Variants in METTL15 observed in about 807,000 individuals in gnomAD.
METTL15 encodes methyltransferase 15, mitochondrial 12S rRNA N4-cytidine.
In METTL15, 34 loss-of-function variants were observed where a neutral mutation model predicts 38.3. That is an observed-to-expected ratio of 0.89 (90% CI 0.68 to 1.18). The LOEUF (loss-of-function observed/expected upper bound fraction) is 1.18. Among genes scored for constraint, METTL15 ranks in the 50% most tolerant of loss-of-function variants. The pLI is 0.00. For missense variants in METTL15, 438 were observed against 498.4 expected, an observed-to-expected ratio of 0.88 and a Z score of 1.15; for synonymous variants, 162 against 170.9, an observed-to-expected ratio of 0.95 and a Z score of 0.41.
At chr11:28,279,146 A>T (rs965555365) in intron 4 of METTL15, among the ~76,000 whole-genome samples, 1 of 152,078 alleles carries the variant, frequency 6.6e-6, no homozygotes, top group African/African-American at 2.4e-5. Context: ...TTGTCATGTA[A>T]TGTCTTTTTT....
intron 6 of METTL15, among the ~76,000 whole-genome samples, chr11:28,524,724 T>C (rs1342203780): frequency 6.6e-6 from 1 of 152,158 alleles, no homozygotes; most frequent in African/African-American, 2.4e-5. Flanking sequence ...AGCCAATATA[T>C]TTGAGATACA....
rs558066311 is a variant in METTL15 at position 28,195,835 on chromosome 11, G to A, written c.271-15227G>A. On this transcript the variant is annotated intron_variant, in intron 3 of 6. Transcript: ENST00000407364. Reference sequence around the variant, plus strand: ...TTAGGTTTTCTTCTAGAATTTTTATGGTTTCAGGTCTTAGATTTAAGTCTT... The same window carrying A: ...TTAGGTTTTCTTCTAGAATTTTTATAGTTTCAGGTCTTAGATTTAAGTCTT... Among the ~76,000 whole-genome samples the A allele has an allele frequency of 3.3e-5, 5 of 152,152 alleles. No individual in the cohort carries two copies. The East Asian group carries it at 7.7e-4, about 24-fold the overall frequency.
intron 3 of METTL15, among the ~76,000 whole-genome samples, chr11:28,341,406 G>C (rs1849951686): frequency 6.6e-6 from 1 of 152,062 alleles, no homozygotes; most frequent in African/African-American, 2.4e-5. Context: ...TAGGTGGAGG[G>C]ATTTAGTATG....
At chr11:28,494,814 C>T (rs573684399) in intron 6 of METTL15, among the ~76,000 whole-genome samples, 1 of 152,308 alleles carries the variant, frequency 6.6e-6, no homozygotes, top group Admixed American at 6.5e-5. Context: ...CATTCACCTT[C>T]AGTGATTGTG....
chr11:28,225,002 T>G (rs1021535215), intron 4 of METTL15, among the ~76,000 whole-genome samples: 3 of 151,818 alleles, frequency 2.0e-5, no homozygotes, highest in Non-Finnish European at 4.4e-5. Flanking sequence ...ACTTTAGTAT[T>G]TTTTAAGATA....
At chr11:28,262,343 A>G (rs1273114479) in intron 4 of METTL15, among the ~76,000 whole-genome samples, 2 of 150,996 alleles carry the variant, frequency 1.3e-5, no homozygotes, top group Non-Finnish European at 2.9e-5. Context: ...ATACAGATAT[A>G]TACACTATAT....
chr11:28,246,324 T>C (rs1483233403), intron 4 of METTL15, among the ~76,000 whole-genome samples: 1 of 152,126 alleles, frequency 6.6e-6, no homozygotes, highest in Non-Finnish European at 1.5e-5. Flanking sequence ...AATAAAAAAT[T>C]ATTTATCCTT....
chr11:28,252,293 T>C (rs1205429101), intron 4 of METTL15, among the ~76,000 whole-genome samples: 1 of 151,988 alleles, frequency 6.6e-6, no homozygotes, highest in African/African-American at 2.4e-5. Context: ...GGGGAGGAAT[T>C]GCAATTTTAG....
rs552321348 is a variant in METTL15, at chr11:28,252,457, T to C, written c.408-37749T>C. On this transcript the variant is annotated intron_variant, in intron 4 of 6. Transcript: ENST00000407364. ...CTACCTAGTTCACAGATAAAAGAGA[T>C]ACAATGAAACATTAACTGTCTCACA... is the stretch of plus-strand genomic sequence containing the variant. Among the ~76,000 whole-genome samples, 39 of 152,260 alleles carry C rather than the reference T, an allele frequency of 2.6e-4. No individual in the cohort carries two copies. In the South Asian group the frequency reaches 7.3e-3, roughly 28 times the overall value.
intron 3 of METTL15, among the ~76,000 whole-genome samples, chr11:28,202,813 G>C (rs1852165187): frequency 1.3e-5 from 2 of 152,038 alleles, no homozygotes; most frequent in African/African-American, 4.8e-5. Context: ...ACTAAGATGG[G>C]AACTTACTAT....
At position 28,117,201 on chromosome 11, in the gene METTL15, G is replaced by A. The variant is rs145921649; in HGVS notation, c.270+3597G>A. Among the ~76,000 whole-genome samples, 643 of 149,342 alleles carry A rather than the reference G, an allele frequency of 4.3e-3. 10 individuals carry two copies. The highest frequency in any genetic ancestry group is 0.014 in the African/African-American group (574 of 40,512). ...ATATATGTGATATTTGTTAGTGTGT[G>A]TATATATACATACATATATACACCT... On this transcript the variant is annotated intron_variant, in intron 3 of 6. Transcript: ENST00000407364.
intron 4 of METTL15, among the ~76,000 whole-genome samples, chr11:28,230,037 G>A (rs1018057076): frequency 2.0e-5 from 3 of 151,834 alleles, no homozygotes; most frequent in Non-Finnish European, 4.4e-5. Context: ...AGTAAAGAAG[G>A]TACAAGGTTT....
chr11:28,278,660 C>T (rs762075812), intron 4 of METTL15, among the ~76,000 whole-genome samples: 46 of 152,174 alleles, frequency 3.0e-4, no homozygotes, highest in Non-Finnish European at 5.9e-4. Flanking sequence ...TCAGTCCTTA[C>T]CTCTCTCTTG....
chr11:28,248,009 A>G (rs1854582689), intron 4 of METTL15, among the ~76,000 whole-genome samples: 2 of 152,122 alleles, frequency 1.3e-5, no homozygotes, highest in African/African-American at 2.4e-5. Context: ...GGTAATTTGT[A>G]TTTAGTTGAA....
chr11:28,433,089 A>G (rs1362262604), intron 6 of METTL15, among the ~76,000 whole-genome samples: 1 of 151,626 alleles, frequency 6.6e-6, no homozygotes, highest in Non-Finnish European at 1.5e-5. Flanking sequence ...AGGAACTGTC[A>G]TTCTATTAAT....
chr11:28,404,016 G>A (rs1023619409), intron 5 of METTL15, among the ~76,000 whole-genome samples: 5 of 151,866 alleles, frequency 3.3e-5, no homozygotes, highest in Non-Finnish European at 5.9e-5. Context: ...TTCAACATAA[G>A]CTTTAGTTTG....
intron 4 of METTL15, among the ~76,000 whole-genome samples, chr11:28,258,735 G>T (rs951589221): frequency 6.6e-6 from 1 of 152,064 alleles, no homozygotes; most frequent in Non-Finnish European, 1.5e-5. Flanking sequence ...TCAGCTTGTG[G>T]TAAATGCTGC....
At chr11:28,515,319 A>G (rs1218947768) in intron 6 of METTL15, among the ~76,000 whole-genome samples, 1 of 152,236 alleles carries the variant, frequency 6.6e-6, no homozygotes, top group Non-Finnish European at 1.5e-5. Context: ...AGTAAAGGCA[A>G]AGCTAACTTA....
intron 6 of METTL15, among the ~76,000 whole-genome samples, chr11:28,310,505 T>A (rs1200983210): frequency 6.6e-6 from 1 of 152,166 alleles, no homozygotes; most frequent in Admixed American, 6.5e-5. Context: ...TACCTCCTTT[T>A]AATAATTTTT....
Sources: allele counts gnomAD v4.1 joint callset (sites outside exome capture counted in the v4.1 genomes callset), GRCh38; gene constraint gnomAD v4.1.1; transcripts MANE v1.5; gene names NCBI Gene and HGNC (gene_info 2026-07-23, HGNC 2026-07-21).